NPAS3: variants seen among roughly 807,000 people sequenced by gnomAD.
NPAS3 encodes the protein neuronal PAS domain protein 3.
Under a neutral mutation model 73.1 loss-of-function variants are expected in NPAS3, and 14 were observed. That is an observed-to-expected ratio of 0.19 (90% CI 0.13 to 0.30). The LOEUF (loss-of-function observed/expected upper bound fraction) is 0.30, where lower values mean the gene tolerates loss of function less well. Ranked by LOEUF, NPAS3 falls within the 10% of genes least tolerant of loss-of-function variation. The pLI is 1.00. For synonymous variants in NPAS3, 620 were observed against 541.5 expected (o/e 1.14, Z -2.01); for missense variants, 1,096 against 1,250.0 (o/e 0.88, Z 1.86).
At chr14:33,736,222 G>A (rs548908643) in intron 7 of NPAS3, among the ~76,000 whole-genome samples, 50 of 152,288 alleles carry the variant, frequency 3.3e-4, no homozygotes, top group Non-Finnish European at 5.6e-4. Flanking sequence ...GTGTTATCGC[G>A]GATGGTAACA....
chr14:33,071,144 C>T (rs557596063), intron 2 of NPAS3, among the ~76,000 whole-genome samples: 1 of 152,248 alleles, frequency 6.6e-6, no homozygotes, highest in East Asian at 1.9e-4. Context: ...TTCATTGAAC[C>T]TCATGATAAG....
In NPAS3 at chr14:33,242,612, C is replaced by T. The variant is rs957400293; in HGVS notation, c.385+27186C>T. On this transcript the variant is annotated intron_variant, in intron 3 of 11. Transcript: ENST00000356141. ...GTAAGCGAGAAGAGAGGTTCAGATGCGTCAACATTATTCAAACTATGAAGA... is the reference window on the plus strand; with the variant it reads ...GTAAGCGAGAAGAGAGGTTCAGATGTGTCAACATTATTCAAACTATGAAGA... 5.9e-5 allele frequency among the ~76,000 whole-genome samples: 9 copies of T among 152,090 alleles called. No individual in the cohort carries two copies. In the East Asian group the frequency reaches 9.6e-4, roughly 16 times the overall value.
At chr14:33,241,980 AACTT>A (rs1173928165) in intron 3 of NPAS3, among the ~76,000 whole-genome samples, 2 of 152,126 alleles carry the variant, frequency 1.3e-5, no homozygotes, top group Middle Eastern at 3.4e-3. Flanking sequence ...ATAAGTGATA[AACTT>A]ACTTCTTCAT....
chr14:33,374,626 A>G (rs1235185069), intron 4 of NPAS3, among the ~76,000 whole-genome samples: 1 of 151,120 alleles, frequency 6.6e-6, no homozygotes, highest in Non-Finnish European at 1.5e-5. Context: ...AAGACCGAGT[A>G]GAAGATTCTG....
intron 9 of NPAS3, among the ~76,000 whole-genome samples, chr14:33,793,001 G>A (rs1051895953): frequency 1.3e-5 from 2 of 152,220 alleles, no homozygotes; most frequent in Non-Finnish European, 2.9e-5. Context: ...TTCAGGGGAT[G>A]ATTTACTGTG....
At chr14:33,348,907 A>G (rs2044882734) in intron 3 of NPAS3, among the ~76,000 whole-genome samples, 1 of 152,142 alleles carries the variant, frequency 6.6e-6, no homozygotes, top group Non-Finnish European at 1.5e-5. Flanking sequence ...AAATGCCTCC[A>G]TTTGGAGTTA....
chr14:33,446,192 G>T (rs539343191), intron 4 of NPAS3, among the ~76,000 whole-genome samples: 1 of 122,956 alleles, frequency 8.1e-6, no homozygotes, highest in African/African-American at 3.2e-5. Context: ...TTTTTGAGAC[G>T]GAGTCTCGCT....
chr14:33,038,586 T>C (rs2040248718), intron 1 of NPAS3, among the ~76,000 whole-genome samples: 1 of 152,166 alleles, frequency 6.6e-6, no homozygotes, highest in Non-Finnish European at 1.5e-5. Context: ...ATTAGCTTTT[T>C]AAAGGGATGT....
At chr14:33,456,882 G>A (rs200242853) in intron 4 of NPAS3, among the ~76,000 whole-genome samples, 3 of 152,080 alleles carry the variant, frequency 2.0e-5, no homozygotes, top group African/African-American at 7.2e-5. Context: ...AAACCAGAAG[G>A]CTCCTCAGCT....
chr14:33,080,215 C>T (rs2041821886), intron 2 of NPAS3, among the ~76,000 whole-genome samples: 1 of 152,222 alleles, frequency 6.6e-6, no homozygotes, highest in East Asian at 1.9e-4. Flanking sequence ...TCACACCATT[C>T]TCCTGCCTCA....
intron 7 of NPAS3, among the ~76,000 whole-genome samples, chr14:33,749,781 A>T (rs950875862): frequency 6.6e-6 from 1 of 152,146 alleles, no homozygotes; most frequent in African/African-American, 2.4e-5. Context: ...AGCACTCAGT[A>T]AGTGAAAAAG....
At chr14:33,206,145 T>G (rs2046814979) in intron 2 of NPAS3, among the ~76,000 whole-genome samples, 1 of 152,196 alleles carries the variant, frequency 6.6e-6, no homozygotes, top group Non-Finnish European at 1.5e-5. Context: ...ATTTTATCAG[T>G]GACTTAATTG....
chr14:33,170,117 A>T (rs2045333522), intron 2 of NPAS3, among the ~76,000 whole-genome samples: 1 of 152,168 alleles, frequency 6.6e-6, no homozygotes, highest in Non-Finnish European at 1.5e-5. Context: ...CTATCTCTAT[A>T]CTGAGAGTTA....
chr14:33,042,005 C>G (rs1180662307), intron 1 of NPAS3, among the ~76,000 whole-genome samples: 1 of 152,074 alleles, frequency 6.6e-6, no homozygotes, highest in Non-Finnish European at 1.5e-5. Context: ...ATAACTTTCT[C>G]AAGTTTTAAG....
intron 4 of NPAS3, among the ~76,000 whole-genome samples, chr14:33,441,615 C>A (rs757699953): frequency 6.6e-6 from 1 of 152,136 alleles, no homozygotes; most frequent in Non-Finnish European, 1.5e-5. Flanking sequence ...CTTTTTGATT[C>A]CGGTTTTGAC....
chr14:33,715,527 C>T (rs1032761257), intron 6 of NPAS3, among the ~76,000 whole-genome samples: 1 of 152,104 alleles, frequency 6.6e-6, no homozygotes, highest in Non-Finnish European at 1.5e-5. Flanking sequence ...GCTTACTCTC[C>T]CCTGCTCTTG....
chr14:33,233,889 G>T (rs1438375872), intron 3 of NPAS3, among the ~76,000 whole-genome samples: 1 of 152,050 alleles, frequency 6.6e-6, no homozygotes, highest in Admixed American at 6.6e-5. Context: ...CACTATGTTG[G>T]TCTGCCTCCT....
upstream of NPAS3, chr14:32,934,794 CCCCGCCAG>C (rs2035644368): frequency 1.3e-5 from 3 of 231,640 alleles, no homozygotes; most frequent in Non-Finnish European, 2.1e-5. This position sits in a 1 kb window ranked among gnomAD's most constrained non-coding sequence, Gnocchi z 4.1. Flanking sequence ...GAGCCCGAGC[CCCCGCCAG>C]CCAGAGCCCA....
At chr14:33,587,891 A>G (rs1049609714) in intron 5 of NPAS3, among the ~76,000 whole-genome samples, 5 of 152,188 alleles carry the variant, frequency 3.3e-5, no homozygotes, top group African/African-American at 4.8e-5. Context: ...CAGAACCTCA[A>G]ATGAATCCAA....
Sources: allele counts gnomAD v4.1 joint callset (sites outside exome capture counted in the v4.1 genomes callset), GRCh38; gene constraint gnomAD v4.1.1; non-coding constraint Gnocchi (gnomAD v3.1); transcripts MANE v1.5; gene names NCBI Gene and HGNC (gene_info 2026-07-23, HGNC 2026-07-21).